IFT80: variants seen among roughly 807,000 people sequenced by gnomAD.
IFT80 encodes the protein intraflagellar transport protein 80 homolog.
IFT80 carries 79 observed loss-of-function variants against 107.9 expected under a neutral mutation model. The ratio of observed to expected loss-of-function variants is 0.73; its 90% confidence interval spans 0.61 to 0.88. The LOEUF is 0.88. Ranked by LOEUF, IFT80 falls within the 40% of genes least tolerant of loss-of-function variation. The pLI, the probability that IFT80 is intolerant of heterozygous loss-of-function variation, is 0.00. For missense variants in IFT80, 797 were observed against 914.2 expected (o/e 0.87, Z 1.65); for synonymous variants, 299 against 300.9 (o/e 0.99, Z 0.07).
At chr3:160,273,413 T>C (rs1713981706) in intron 18 of IFT80, among the ~76,000 whole-genome samples, 1 of 151,964 alleles carries the variant, frequency 6.6e-6, no homozygotes. Context: ...GGGAGATCAG[T>C]GATGACATTA....
At chr3:160,304,705 G>T (rs1406036574) in intron 10 of IFT80, among the ~76,000 whole-genome samples, 1 of 152,110 alleles carries the variant, frequency 6.6e-6, no homozygotes, top group Non-Finnish European at 1.5e-5. Flanking sequence ...AAAGTGCTGG[G>T]ATTACAGGCA....
intron 12 of IFT80, among the ~76,000 whole-genome samples, chr3:160,294,017 T>C (rs1438634035): frequency 6.6e-6 from 1 of 152,142 alleles, no homozygotes; most frequent in African/African-American, 2.4e-5. Flanking sequence ...GTCTACCCTT[T>C]TTAATAAAAT....
intron 8 of IFT80, among the ~76,000 whole-genome samples, chr3:160,350,646 C>T (rs981862457): frequency 6.6e-6 from 1 of 151,900 alleles, no homozygotes; most frequent in Non-Finnish European, 1.5e-5. Context: ...GAAGCCCCAC[C>T]TCTACTAAAA....
At chr3:160,339,875 C>T (rs1363104503) in intron 8 of IFT80, among the ~76,000 whole-genome samples, 2 of 152,222 alleles carry the variant, frequency 1.3e-5, no homozygotes, top group African/African-American at 2.4e-5. Flanking sequence ...GATTTAGCAA[C>T]GTATTTTTGT....
intron 8 of IFT80, among the ~76,000 whole-genome samples, chr3:160,321,416 C>T (rs1718206409): frequency 2.0e-5 from 3 of 151,806 alleles, no homozygotes; most frequent in South Asian, 2.1e-4. Context: ...TCTAGTCTAT[C>T]CTCATGGTGT....
chr3:160,367,527 A>T (rs1269750296), intron 5 of IFT80, among the ~76,000 whole-genome samples: 1 of 152,084 alleles, frequency 6.6e-6, no homozygotes, highest in Non-Finnish European at 1.5e-5. Flanking sequence ...CACAAATGGC[A>T]AATTTTTTTA....
chr3:160,258,215 T>A lies in IFT80; in HGVS notation c.*310A>T, dbSNP rs1393008386. On this transcript the variant is annotated 3_prime_UTR_variant, in exon 20 of 20. Transcript: ENST00000326448. ...TCCAATGTTTTATTATCGACATTAA[T>A]ATTTGTTCATGCTGAAGATTTAGGG... is the stretch of plus-strand genomic sequence containing the variant. 1 of 346,018 alleles carries A rather than the reference T, an allele frequency of 2.9e-6. No homozygotes were observed. Among genetic ancestry groups the A allele is most frequent in the Non-Finnish European group, 5.3e-6 (1 of 187,744 alleles). The allele number at this position is 346,018 out of a possible 1,614,324, so 21.4% of individuals were successfully genotyped here. A position where few individuals can be genotyped will look rare whatever the true frequency, so the allele number is the denominator to read the frequency against.
Position 160,300,868 on chromosome 3 carries a change from TA to T in IFT80, c.1315+14del. Reference sequence around the variant, plus strand: ...ATTTCATATTTGACAGGAAAAATTATAAAAATATACTTACTTTTTTCATCAG... The same window carrying T: ...ATTTCATATTTGACAGGAAAAATTATAAAATATACTTACTTTTTTCATCAG... On this transcript the variant is annotated intron_variant, in intron 12 of 19. Coordinates refer to ENST00000326448, the MANE Select transcript of IFT80 (RefSeq NM_020800.3). 6.3e-7 allele frequency: 1 copy of T among 1,576,574 alleles called. No individual in the cohort carries two copies. Among genetic ancestry groups the T allele is most frequent in the Non-Finnish European group, 8.6e-7 (1 of 1,160,498 alleles).
chr3:160,335,234 CTTTTTTTTTTTTTT>C (rs1719378161), intron 8 of IFT80, among the ~76,000 whole-genome samples: 1 of 136,600 alleles, frequency 7.3e-6, no homozygotes, highest in Non-Finnish European at 1.6e-5. Flanking sequence ...TTCTTTTTTT[CTTTTTTTTTTTTTT>C]GAGACGGAGT....
chr3:160,366,386 T>C (rs1054568204), intron 5 of IFT80, among the ~76,000 whole-genome samples: 1 of 152,022 alleles, frequency 6.6e-6, no homozygotes, highest in African/African-American at 2.4e-5. Flanking sequence ...TTTTAACTAA[T>C]TAGGATCTTG....
intron 12 of IFT80, among the ~76,000 whole-genome samples, chr3:160,289,466 T>C (rs916771377): frequency 3.3e-5 from 5 of 152,170 alleles, no homozygotes; most frequent in Admixed American, 6.5e-5. Flanking sequence ...AAGTTTTATT[T>C]GGTTGTTTTT....
chr3:160,376,904 C>G (rs1428761158), intron 4 of IFT80, among the ~76,000 whole-genome samples: 2 of 152,158 alleles, frequency 1.3e-5, no homozygotes, highest in African/African-American at 4.8e-5. Flanking sequence ...CATATGACTG[C>G]CGCCGCATCC....
At chr3:160,283,584 C>A (rs1302629004) in intron 13 of IFT80, among the ~76,000 whole-genome samples, 1 of 152,078 alleles carries the variant, frequency 6.6e-6, no homozygotes, top group South Asian at 2.1e-4. Context: ...TCATATATAT[C>A]AAGGCATGCA....
At chr3:160,396,864 T>C (rs1264399873) in intron 1 of IFT80, among the ~76,000 whole-genome samples, 1 of 152,172 alleles carries the variant, frequency 6.6e-6, no homozygotes, top group Non-Finnish European at 1.5e-5. Context: ...CTGAATGTCT[T>C]ATTTTTGTGG....
chr3:160,268,193 T>C (rs1472345801), intron 19 of IFT80, among the ~76,000 whole-genome samples: 2 of 152,194 alleles, frequency 1.3e-5, no homozygotes, highest in African/African-American at 2.4e-5. Context: ...TGGAATATTA[T>C]GAAGACAGAC....
intron 1 of IFT80, among the ~76,000 whole-genome samples, chr3:160,389,335 T>TTAG (rs1713179769): frequency 6.6e-6 from 1 of 152,128 alleles, no homozygotes; most frequent in South Asian, 2.1e-4. Flanking sequence ...TTTCAATTTT[T>TTAG]TATTATTATT....
rs532260252 is a variant in IFT80 at position 160,278,321 on chromosome 3, T to G, written c.1837-651A>C. Among the ~76,000 whole-genome samples, 18 of 152,340 alleles carry G rather than the reference T, an allele frequency of 1.2e-4. No individual in the cohort carries two copies. In the South Asian group the frequency reaches 3.5e-3, roughly 30 times the overall value. ...CCAGCCATCTGTACAGTAAGGAGTA[T>G]ACAAGATGGCACTGGCCAGGTGGAA... On this transcript the variant is annotated intron_variant, in intron 16 of 19. Coordinates refer to ENST00000326448, the MANE Select transcript of IFT80 (RefSeq NM_020800.3).
chr3:160,360,692 G>C (rs1244037426), intron 6 of IFT80, among the ~76,000 whole-genome samples: 1 of 152,134 alleles, frequency 6.6e-6, no homozygotes, highest in Non-Finnish European at 1.5e-5. Context: ...AGGGAGATTG[G>C]GGGCCAATAT....
At chr3:160,326,586 T>C (rs1718692050) in intron 8 of IFT80, among the ~76,000 whole-genome samples, 1 of 152,092 alleles carries the variant, frequency 6.6e-6, no homozygotes, top group African/African-American at 2.4e-5. Flanking sequence ...CACGATTATC[T>C]CAATAGATGC....
Sources: allele counts gnomAD v4.1 joint callset (sites outside exome capture counted in the v4.1 genomes callset), GRCh38; gene constraint gnomAD v4.1.1; transcripts MANE v1.5; gene names NCBI Gene and HGNC (gene_info 2026-07-23, HGNC 2026-07-21).